MRPS28: variants seen among roughly 807,000 people sequenced by gnomAD.
The protein encoded by MRPS28 is small ribosomal subunit protein bS1m.
A neutral mutation model predicts 10.8 loss-of-function variants in MRPS28; 7 were observed. That is an observed-to-expected ratio of 0.65 (90% CI 0.37 to 1.22). The LOEUF is 1.22. MRPS28 is among the 50% of genes most tolerant of loss of function. MRPS28 has a pLI of 0.02. For missense variants in MRPS28, 265 were observed against 232.9 expected (o/e 1.14, Z -0.90); for synonymous variants, 121 against 93.3 (o/e 1.30, Z -1.71).
chr8:79,966,047 T>A (rs1807495199), intron 2 of MRPS28, among the ~76,000 whole-genome samples: 1 of 152,060 alleles, frequency 6.6e-6, no homozygotes, highest in Admixed American at 6.6e-5. Flanking sequence ...TATGTTAGAA[T>A]GACTAAATTG....
At chr8:79,922,310 G>A (rs182616196) in intron 2 of MRPS28, among the ~76,000 whole-genome samples, 47 of 152,260 alleles carry the variant, frequency 3.1e-4, no homozygotes, top group African/African-American at 1.1e-3. Context: ...TTGAAGTAGA[G>A]AGAACTACAG....
At chr8:79,984,542 C>G (rs183235159) in intron 2 of MRPS28, among the ~76,000 whole-genome samples, 4 of 152,214 alleles carry the variant, frequency 2.6e-5, no homozygotes, top group South Asian at 2.1e-4. Context: ...CTCATGTGCA[C>G]AGACACACAT....
rs538295465 is a variant in MRPS28 at position 79,931,014 on chromosome 8, A to G, written c.396-11866T>C. On this transcript the variant is annotated intron_variant, in intron 2 of 2. Transcript: ENST00000276585. ...AATTTCCTGGAGATTAGACAATGAC[A>G]TTATTTTAAACTTTTTACTATCCAG... Among the ~76,000 whole-genome samples the G allele has an allele frequency of 5.9e-5, 9 of 152,362 alleles. No homozygotes were observed. The South Asian group carries it at 1.9e-3, about 32-fold the overall frequency.
chr8:79,981,272 G>A (rs1807945661), intron 2 of MRPS28, among the ~76,000 whole-genome samples: 1 of 152,136 alleles, frequency 6.6e-6, no homozygotes, highest in African/African-American at 2.4e-5. Context: ...GGAGGTTGTG[G>A]TGAGCTGTGA....
chr8:79,977,154 T>A (rs756686243), intron 2 of MRPS28, among the ~76,000 whole-genome samples: 11 of 152,224 alleles, frequency 7.2e-5, no homozygotes, highest in Non-Finnish European at 1.5e-4. Context: ...ATTAAAACCA[T>A]ATTATGTACA....
rs566309806 is a variant in MRPS28 at position 79,973,418 on chromosome 8, G to C, written c.395+29581C>G. 2.8e-4 allele frequency among the ~76,000 whole-genome samples: 43 copies of C among 152,290 alleles called. 3 individuals carry two copies. In the South Asian group the frequency reaches 7.1e-3, roughly 25 times the overall value. On this transcript the variant is annotated intron_variant, in intron 2 of 2. Transcript: ENST00000276585. ...GCAGTGGTGTGTGCCTGAAGTCCTA[G>C]CTACTCAGGAGGCTGAGGTGGGAGA...
intron 2 of MRPS28, among the ~76,000 whole-genome samples, chr8:79,921,504 G>A (rs71516908): frequency 0.79 from 117,224 of 148,224 alleles, 47,248 homozygotes; most frequent in African/African-American, 0.94. Context: ...GAGGTCCTTC[G>A]CATCCCTTGT....
At chr8:79,929,498 AT>A (rs1806402319) in intron 2 of MRPS28, among the ~76,000 whole-genome samples, 1 of 152,178 alleles carries the variant, frequency 6.6e-6, no homozygotes, top group East Asian at 1.9e-4. Context: ...GAAGGAAGGC[AT>A]TTAGCAGACT....
chr8:79,960,495 T>C (rs1030309743), intron 2 of MRPS28, among the ~76,000 whole-genome samples: 6 of 152,142 alleles, frequency 3.9e-5, no homozygotes, highest in African/African-American at 1.2e-4. Context: ...TGTCTCAATG[T>C]ATAGCAGTGT....
intron 1 of MRPS28, among the ~76,000 whole-genome samples, chr8:80,020,332 G>GCT (rs1163197064): frequency 7.9e-5 from 12 of 152,114 alleles, no homozygotes; most frequent in African/African-American, 2.9e-4. Flanking sequence ...GGCACGTCTG[G>GCT]CTCCCCCTTC....
chr8:80,018,150 G>A (rs752162928), intron 1 of MRPS28, among the ~76,000 whole-genome samples: 1 of 151,864 alleles, frequency 6.6e-6, no homozygotes, highest in Non-Finnish European at 1.5e-5. Context: ...AAAACTAGCA[G>A]GGCATGGTGG....
intron 2 of MRPS28, among the ~76,000 whole-genome samples, chr8:79,950,418 A>G (rs549661560): frequency 6.6e-6 from 1 of 152,336 alleles, no homozygotes; most frequent in Admixed American, 6.5e-5. Flanking sequence ...TTAAATATTT[A>G]TTAATTCATT....
intron 2 of MRPS28, among the ~76,000 whole-genome samples, chr8:79,985,698 C>T (rs986442183): frequency 1.4e-4 from 21 of 152,190 alleles, no homozygotes; most frequent in African/African-American, 4.8e-4. Flanking sequence ...AATTCCTCGA[C>T]ACATACAACC....
At chr8:80,025,637 T>C (rs902378302) in intron 1 of MRPS28, among the ~76,000 whole-genome samples, 1 of 152,198 alleles carries the variant, frequency 6.6e-6, no homozygotes, top group Non-Finnish European at 1.5e-5. Context: ...AGGTAAAAAC[T>C]GCAATTTTCA....
intron 2 of MRPS28, among the ~76,000 whole-genome samples, chr8:79,997,597 A>C (rs1808535570): frequency 6.6e-6 from 1 of 152,072 alleles, no homozygotes; most frequent in African/African-American, 2.4e-5. Context: ...TTTCTGATTC[A>C]AGCAGCAGAG....
chr8:79,929,746 G>A (rs2129887472), intron 2 of MRPS28, among the ~76,000 whole-genome samples: 1 of 152,198 alleles, frequency 6.6e-6, no homozygotes, highest in African/African-American at 2.4e-5. Context: ...GTGTATTAAT[G>A]GTGGAAATCA....
At chr8:80,014,519 T>C (rs1809144334) in intron 1 of MRPS28, among the ~76,000 whole-genome samples, 2 of 152,218 alleles carry the variant, frequency 1.3e-5, no homozygotes, top group Non-Finnish European at 2.9e-5. Flanking sequence ...GCCACATGGC[T>C]TGAACCTTGG....
intron 2 of MRPS28, among the ~76,000 whole-genome samples, chr8:80,000,631 G>T (rs1345089043): frequency 1.3e-5 from 2 of 152,176 alleles, no homozygotes; most frequent in Non-Finnish European, 2.9e-5. Context: ...TGTAATAGAT[G>T]CCAGTATTTA....
chr8:79,999,091 A>G (rs1808586635), intron 2 of MRPS28, among the ~76,000 whole-genome samples: 1 of 152,206 alleles, frequency 6.6e-6, no homozygotes, highest in African/African-American at 2.4e-5. Context: ...TGAATGATGA[A>G]CAGATTATGT....
Sources: allele counts gnomAD v4.1 joint callset (sites outside exome capture counted in the v4.1 genomes callset), GRCh38; gene constraint gnomAD v4.1.1; transcripts MANE v1.5; gene names NCBI Gene and HGNC (gene_info 2026-07-23, HGNC 2026-07-21).